The following JAK1 variants were observed in gnomAD, a reference collection of about 807,000 sequenced individuals.
JAK1 encodes tyrosine-protein kinase JAK1.
In JAK1, 16 loss-of-function variants were observed where a neutral mutation model predicts 136.6. The observed-to-expected ratio is 0.12, with a 90% CI of 0.08 to 0.18. JAK1 has a LOEUF of 0.18. Among genes scored for constraint, JAK1 ranks in the 10% least tolerant of loss-of-function variants. The pLI is 1.00. For synonymous variants in JAK1, 492 were observed against 519.5 expected (o/e 0.95, Z 0.72); for missense variants, 859 against 1,450.1 (o/e 0.59, Z 6.62).
upstream of JAK1, among the ~76,000 whole-genome samples, chr1:64,966,916 C>T (rs1466463151): frequency 6.6e-6 from 1 of 152,106 alleles, no homozygotes; most frequent in Non-Finnish European, 1.5e-5. Flanking sequence ...ATCCCGCCTC[C>T]TCCGTATACG....
chr1:65,045,633 G>A (rs1034614106), intron 1 of JAK1, among the ~76,000 whole-genome samples: 11 of 152,216 alleles, frequency 7.2e-5, no homozygotes, highest in African/African-American at 2.7e-4. Flanking sequence ...TCATAGAACT[G>A]TCATGAGGAC....
chr1:64,956,534 C>A (rs1046256233), intron 1 of JAK1, among the ~76,000 whole-genome samples: 1 of 152,264 alleles, frequency 6.6e-6, no homozygotes, highest in African/African-American at 2.4e-5. Flanking sequence ...AACCCCCCAA[C>A]CTAAGCATTC....
At position 64,961,582 on chromosome 1, in the gene JAK1, G is replaced by A. The variant is rs116663437; in HGVS notation, c.-78+4751C>T. Among the ~76,000 whole-genome samples the A allele has an allele frequency of 9.8e-3, 1,495 of 151,870 alleles. 26 individuals are homozygous for A. The highest frequency in any genetic ancestry group is 0.032 in the African/African-American group (1,328 of 41,374). The stretch of plus-strand genomic sequence containing the variant: ...TGCATGTCCTGCCCTACCTCCTTCC[G>A]CTCCCTCCCAAGCAGTCTTTGCTCT... On this transcript the variant is annotated intron_variant, in intron 1 of 24. Transcript: ENST00000342505.
intron 1 of JAK1, among the ~76,000 whole-genome samples, chr1:65,063,453 G>A (rs1402499699): frequency 6.6e-6 from 1 of 152,104 alleles, no homozygotes; most frequent in African/African-American, 2.4e-5. Flanking sequence ...ACACAGCAGT[G>A]GAAAATAGAA....
At chr1:65,049,514 C>T (rs969428351) in intron 1 of JAK1, among the ~76,000 whole-genome samples, 5 of 152,116 alleles carry the variant, frequency 3.3e-5, no homozygotes, top group African/African-American at 7.2e-5. Flanking sequence ...AGAGGTTGGT[C>T]CCTAGAAGAA....
At chr1:64,888,382 A>G (rs928636674) in intron 1 of JAK1, among the ~76,000 whole-genome samples, 8 of 152,294 alleles carry the variant, frequency 5.3e-5, no homozygotes, top group African/African-American at 1.9e-4. Flanking sequence ...GGGTTTCACC[A>G]TGTTGGCCAG....
At chr1:64,836,825 CA>C (rs1048140812) in intron 22 of JAK1, among the ~76,000 whole-genome samples, 2 of 152,184 alleles carry the variant, frequency 1.3e-5, no homozygotes, top group Admixed American at 1.3e-4. Context: ...TCCCTGGCTC[CA>C]GACTCCCTGG....
Position 64,883,211 on chromosome 1 carries a change from A to AC in JAK1, c.205+65dup, listed in dbSNP as rs1644801979. On this transcript the variant is annotated intron_variant, in intron 3 of 24. Coordinates refer to ENST00000342505, the MANE Select transcript of JAK1 (RefSeq NM_002227.4). ...CCCAGCAGCGCTACAAGGGGCAGAG[A>AC]CCCCCAGATCTTCTGAACTAGTGTG... 13 of 1,330,916 alleles carry AC rather than the reference A, an allele frequency of 9.8e-6. No individual in the cohort carries two copies. In the South Asian group the frequency reaches 1.7e-4, roughly 18 times the overall value. The allele number at this position is 1,330,916 out of a possible 1,614,324, so 82.4% of individuals were successfully genotyped here.
At chr1:64,897,826 T>C (rs1645047081) in intron 1 of JAK1, among the ~76,000 whole-genome samples, 2 of 151,858 alleles carry the variant, frequency 1.3e-5, no homozygotes, top group Non-Finnish European at 1.5e-5. Context: ...TTCTCACACA[T>C]AGGAAATGAT....
chr1:64,876,662 A>C (rs1026632966), intron 4 of JAK1, among the ~76,000 whole-genome samples: 1 of 152,210 alleles, frequency 6.6e-6, no homozygotes, highest in Non-Finnish European at 1.5e-5. Flanking sequence ...AAAATTAATT[A>C]TAAAGGTGCT....
At chr1:64,876,400 T>C (rs551904763) in intron 4 of JAK1, 1 of 152,290 alleles carries the variant, frequency 6.6e-6, no homozygotes, top group African/African-American at 2.4e-5. Flanking sequence ...TTGGAAGCCT[T>C]TAGGTCAGAT....
chr1:64,938,271 G>A (rs28649699), intron 1 of JAK1, among the ~76,000 whole-genome samples: 36,867 of 151,972 alleles, frequency 0.24, 5,794 homozygotes, highest in East Asian at 0.53. Flanking sequence ...GAACAACTTT[G>A]ATGAAACCTT....
intron 2 of JAK1, among the ~76,000 whole-genome samples, chr1:65,032,418 T>C (rs1341932352): frequency 2.0e-5 from 3 of 152,220 alleles, no homozygotes; most frequent in Non-Finnish European, 4.4e-5. Context: ...GGTCATTCTG[T>C]CTGAAGTGGT....
chr1:64,902,583 A>AGAGAGT, intron 1 of JAK1, among the ~76,000 whole-genome samples: 46 of 73,784 alleles, frequency 6.2e-4, no homozygotes, highest in African/African-American at 2.2e-3. Context: ...AGAGAGAGAG[A>AGAGAGT]GTGTGTGTGT....
chr1:65,039,451 G>T (rs1450831877), intron 2 of JAK1, among the ~76,000 whole-genome samples: 1 of 152,116 alleles, frequency 6.6e-6, no homozygotes, highest in Non-Finnish European at 1.5e-5. Context: ...CATCTTTCTA[G>T]TTAAGAAACA....
chr1:64,852,019 T>C (rs1655630503), intron 11 of JAK1, among the ~76,000 whole-genome samples: 9 of 152,156 alleles, frequency 5.9e-5, no homozygotes, highest in Admixed American at 5.9e-4. Flanking sequence ...TGGGAGACAA[T>C]GGCTGCTGAG....
At chr1:64,949,174 T>C (rs1476951155) in intron 1 of JAK1, among the ~76,000 whole-genome samples, 2 of 152,192 alleles carry the variant, frequency 1.3e-5, no homozygotes, top group African/African-American at 4.8e-5. Flanking sequence ...CAGATTTGCA[T>C]TATAGAATTG....
chr1:65,004,697 C>T (rs1046298700), intron 2 of JAK1, among the ~76,000 whole-genome samples: 3 of 152,178 alleles, frequency 2.0e-5, no homozygotes, highest in African/African-American at 2.4e-5. Context: ...AATTCTTTTA[C>T]GTGTTGTCTG....
intron 5 of JAK1, among the ~76,000 whole-genome samples, 157 bp downstream of exon 5, chr1:64,873,213 C>T (rs1042813795): frequency 3.3e-5 from 5 of 152,260 alleles, no homozygotes; most frequent in African/African-American, 1.2e-4. Flanking sequence ...CCTTTTTTCT[C>T]CTCACTTGGG....
Sources: gnomAD v4.1 joint callset for allele counts (sites outside exome capture counted in the v4.1 genomes callset) on GRCh38, gnomAD v4.1.1 for gene constraint, MANE v1.5 for transcripts, NCBI Gene and HGNC (gene_info 2026-07-23, HGNC 2026-07-21) for gene names.